Variants in HDAC3 observed in about 807,000 individuals in gnomAD.
HDAC3 encodes histone deacetylase 3, also known as SMAP45.
In HDAC3, 21 loss-of-function variants were observed where a neutral mutation model predicts 62.3. That is an observed-to-expected ratio of 0.34 (90% CI 0.24 to 0.49). The LOEUF (loss-of-function observed/expected upper bound fraction) is 0.49. HDAC3 is among the 20% of genes least tolerant of loss of function. HDAC3 has a pLI of 0.99. For synonymous variants in HDAC3, 198 were observed against 206.5 expected, an observed-to-expected ratio of 0.96 and a Z score of 0.35; for missense variants, 270 against 556.9, an observed-to-expected ratio of 0.48 and a Z score of 5.19.
At chr5:141,632,674 A>C (rs1469934221) in intron 3 of HDAC3, among the ~76,000 whole-genome samples, 1 of 152,244 alleles carries the variant, frequency 6.6e-6, no homozygotes, top group Non-Finnish European at 1.5e-5. Flanking sequence ...ACAGCATGTG[A>C]CTGAACACCA....
In HDAC3 at chr5:141,629,624, T is replaced by C; in HGVS notation, c.476+60A>G. On this transcript the variant is annotated intron_variant, in intron 6 of 14. Transcript: ENST00000305264. This position sits in a 1 kb window ranked among gnomAD's most constrained non-coding sequence, Gnocchi z 5.3. The stretch of plus-strand genomic sequence containing the variant: ...GGGAGGTCAAGGTCAGGGTTGAGAC[T>C]GAGAGACCTCCTCAGCCAAGAATCC... The C allele has an allele frequency of 6.5e-7, 1 of 1,544,670 alleles. No homozygotes were observed.
chr5:141,629,083 C>A lies in HDAC3; in HGVS notation c.610+90G>T. The A allele has an allele frequency of 1.5e-6, 2 of 1,353,928 alleles. No individual in the cohort carries two copies. Among genetic ancestry groups the A allele is most frequent in the South Asian group, 2.6e-5 (2 of 76,840 alleles). 83.9% of individuals were successfully genotyped at this position (1,353,928 alleles called of 1,614,324 possible). On this transcript the variant is annotated intron_variant, in intron 7 of 14. Transcript: ENST00000305264. This position sits in a 1 kb window ranked among gnomAD's most constrained non-coding sequence, Gnocchi z 5.3. ...AGGAAAGGCTTCTCTGAGGAGGGGA[C>A]ACCTGAGATGAGACTAGAAGGCTGA...
Position 141,628,427 on chromosome 5 carries a change from T to G in HDAC3, c.691+132A>C. ...ATATGTTGCATACAATTTCCAGAGA[T>G]TCATGGTCCCTCTGAAGGCCATTCA... On this transcript the variant is annotated intron_variant, in intron 8 of 14. Coordinates refer to ENST00000305264, the MANE Select transcript of HDAC3 (RefSeq NM_003883.4). This position sits in a 1 kb window ranked among gnomAD's most constrained non-coding sequence, Gnocchi z 4.7. 1 of 796,156 alleles carries G rather than the reference T, an allele frequency of 1.3e-6. No individual in the cohort carries two copies. The highest frequency in any genetic ancestry group is 2.1e-6 in the Non-Finnish European group (1 of 467,260). 49.3% of individuals were successfully genotyped at this position (796,156 alleles called of 1,614,324 possible). A position where few individuals can be genotyped will look rare whatever the true frequency, so the allele number is the denominator to read the frequency against.
intron 3 of HDAC3, among the ~76,000 whole-genome samples, chr5:141,632,588 C>G (rs987036850): frequency 6.6e-6 from 1 of 152,190 alleles, no homozygotes; most frequent in Admixed American, 6.5e-5. Context: ...AGGGCTGACC[C>G]TGTATTCACA....
intron 3 of HDAC3, among the ~76,000 whole-genome samples, chr5:141,631,402 A>G (rs2099905196): frequency 6.6e-6 from 1 of 152,258 alleles, no homozygotes; most frequent in African/African-American, 2.4e-5. Flanking sequence ...AGGAAAAACA[A>G]AAAGCTTTAG....
At chr5:141,635,909 G>C (rs931964458) in intron 2 of HDAC3, 1 of 152,340 alleles carries the variant, frequency 6.6e-6, no homozygotes, top group Non-Finnish European at 1.5e-5. Context: ...CGCCTGGCGT[G>C]GCTTAACTGT....
rs1207713055 is a variant in HDAC3, at chr5:141,625,994, G to A, written c.979+19C>T. 2 of 1,603,948 alleles carry A rather than the reference G, an allele frequency of 1.2e-6. No individual in the cohort carries two copies. Among genetic ancestry groups the A allele is most frequent in the African/African-American group, 1.3e-5 (1 of 74,678 alleles). On this transcript the variant is annotated intron_variant, in intron 12 of 14. Transcript: ENST00000305264. The surrounding 1 kb of genome is among the most constrained non-coding windows in gnomAD (Gnocchi z 4.0). Reference sequence around the variant, plus strand: ...AGAATGGCCTTCCTGTTATGGGGGTGTTGTGGGGTGGTCCTTACCACTATA... The same window carrying A: ...AGAATGGCCTTCCTGTTATGGGGGTATTGTGGGGTGGTCCTTACCACTATA...
chr5:141,621,979 G>A (rs2099903768), intron 14 of HDAC3, among the ~76,000 whole-genome samples: 1 of 152,116 alleles, frequency 6.6e-6, no homozygotes, highest in South Asian at 2.1e-4. Context: ...CTTCAGGAAG[G>A]CCATTCCAAG....
intron 2 of HDAC3, among the ~76,000 whole-genome samples, chr5:141,635,336 A>C (rs951330618): frequency 1.3e-5 from 2 of 152,136 alleles, no homozygotes; most frequent in Non-Finnish European, 2.9e-5. Flanking sequence ...GATATATGTC[A>C]ACTTTCTAAT....
At chr5:141,624,910 C>T (rs986419931) in intron 14 of HDAC3, 3 of 299,144 alleles carry the variant, frequency 1.0e-5, no homozygotes, top group Non-Finnish European at 1.9e-5. Context: ...AGTATATTTG[C>T]AATCTATAGA....
chr5:141,624,163 G>C (rs2099904102), intron 14 of HDAC3, among the ~76,000 whole-genome samples: 1 of 151,122 alleles, frequency 6.6e-6, no homozygotes, highest in African/African-American at 2.4e-5. Context: ...TCCAGCTCAA[G>C]ACCTGGAAAG....
In HDAC3 at chr5:141,628,120, C is replaced by A; in HGVS notation, c.759G>T (p.Val253=). 1 of 1,613,966 alleles carries A rather than the reference C, an allele frequency of 6.2e-7. No individual in the cohort carries two copies. Among genetic ancestry groups the A allele is most frequent in the Non-Finnish European group, 8.5e-7 (1 of 1,179,836 alleles). ...GAGGAACTGACAGTATTACCTGGAG[C>A]ACAATGCACGTGGGTTGGTAGAAGT... ...VVDFYQPTCI[V]LQCGADSLGC... Residue 253 remains valine (V), a synonymous_variant, in exon 9 of 15, where the codon GTG becomes GTT. Transcript: ENST00000305264. This position sits in a 1 kb window ranked among gnomAD's most constrained non-coding sequence, Gnocchi z 4.7.
At chr5:141,631,046 T>C (rs1299253933) in intron 3 of HDAC3, among the ~76,000 whole-genome samples, 1 of 152,078 alleles carries the variant, frequency 6.6e-6, no homozygotes, top group African/African-American at 2.4e-5. Flanking sequence ...AAAGGTTAAT[T>C]TTACTGTATG....
intron 10 of HDAC3, among the ~76,000 whole-genome samples, chr5:141,627,443 C>T (rs1348397099): frequency 6.6e-6 from 1 of 152,140 alleles, no homozygotes; most frequent in Admixed American, 6.5e-5. Flanking sequence ...TCTTATGACT[C>T]ACTCCTTCTT....
chr5:141,629,086 C>T lies in HDAC3; in HGVS notation c.610+87G>A. On this transcript the variant is annotated intron_variant, in intron 7 of 14. Transcript: ENST00000305264. The surrounding 1 kb of genome is among the most constrained non-coding windows in gnomAD (Gnocchi z 5.3). The stretch of plus-strand genomic sequence containing the variant: ...AAAGGCTTCTCTGAGGAGGGGACAC[C>T]TGAGATGAGACTAGAAGGCTGAGAA... 7.1e-7 allele frequency: 1 copy of T among 1,415,308 alleles called. No individual in the cohort carries two copies. Among genetic ancestry groups the T allele is most frequent in the Non-Finnish European group, 9.8e-7 (1 of 1,024,358 alleles). 87.7% of individuals were successfully genotyped at this position (1,415,308 alleles called of 1,614,324 possible). A position where few individuals can be genotyped will look rare whatever the true frequency, so the allele number is the denominator to read the frequency against.
At chr5:141,633,230 G>T (rs533579961) in intron 3 of HDAC3, among the ~76,000 whole-genome samples, 1 of 151,962 alleles carries the variant, frequency 6.6e-6, no homozygotes, top group Non-Finnish European at 1.5e-5. Context: ...TGACAGAAAA[G>T]CTACAAATTA....
At chr5:141,636,525 C>T (rs770726416) in intron 2 of HDAC3, 23 bp downstream of exon 2, 1 of 1,612,258 alleles carries the variant, frequency 6.2e-7, no homozygotes, top group Non-Finnish European at 8.5e-7. Flanking sequence ...CCCCCAACCC[C>T]CGGCCGAGGC....
At chr5:141,624,200 A>G (rs1320214822) in intron 14 of HDAC3, among the ~76,000 whole-genome samples, 3 of 151,520 alleles carry the variant, frequency 2.0e-5, no homozygotes, top group Non-Finnish European at 4.4e-5. Context: ...GCAAGACTAT[A>G]GGGTGCTACA....
chr5:141,636,639 G>T lies in HDAC3; in HGVS notation c.56-9C>A. 1 of 1,613,998 alleles carries T rather than the reference G, an allele frequency of 6.2e-7. No homozygotes were observed. Among genetic ancestry groups the T allele is most frequent in the African/African-American group, 1.3e-5 (1 of 75,022 alleles). On this transcript the variant is annotated splice_polypyrimidine_tract_variant and intron_variant, in intron 1 of 14. Transcript: ENST00000305264. ...CATAGGGTGTCCAGCTCCTGGGGGT[G>T]GGGAGAAGAGAGTTCGTCAGCTCTC...
Sources: allele counts gnomAD v4.1 joint callset (sites outside exome capture counted in the v4.1 genomes callset), GRCh38; gene constraint gnomAD v4.1.1; non-coding constraint Gnocchi (gnomAD v3.1); transcripts MANE v1.5; gene names NCBI Gene and HGNC (gene_info 2026-07-23, HGNC 2026-07-21).